The following CCDC180 variants were observed in gnomAD, a reference collection of about 807,000 sequenced individuals.
CCDC180 encodes the protein coiled-coil domain containing 180, also known as coiled-coil domain-containing protein 180.
Under a neutral mutation model 209.2 loss-of-function variants are expected in CCDC180, and 154 were observed. The ratio of observed to expected loss-of-function variants is 0.74; its 90% CI spans 0.65 to 0.84. The LOEUF (loss-of-function observed/expected upper bound fraction) is 0.84, where lower values mean the gene tolerates loss of function less well. CCDC180 is among the 40% of genes least tolerant of loss of function. The probability of loss-of-function intolerance (pLI) is 0.00; values close to 1 mark genes in which losing one functional copy is unlikely to be tolerated. For synonymous variants in CCDC180, 778 were observed against 749.1 expected, an observed-to-expected ratio of 1.04 and a Z score of -0.63; for missense variants, 1,874 against 1,997.3, an observed-to-expected ratio of 0.94 and a Z score of 1.18.
intron 21 of CCDC180, among the ~76,000 whole-genome samples, chr9:97,349,549 A>G (rs4743080): frequency 0.3 from 45,370 of 152,150 alleles, 7,436 homozygotes; most frequent in African/African-American, 0.42. Context: ...GCTATGAAAT[A>G]TCAGTGGTGG....
At position 97,325,136 on chromosome 9, in the gene CCDC180, C is replaced by A; in HGVS notation, c.1489C>A (p.Leu497Met). 6.2e-7 allele frequency: 1 copy of A among 1,612,212 alleles called. No homozygotes were observed. The highest frequency in any genetic ancestry group is 8.5e-7 in the Non-Finnish European group (1 of 1,179,260). The change falls in exon 14 of 37, where the codon CTG becomes ATG. Residue 497 changes from leucine to methionine, a missense_variant. Transcript: ENST00000529487. The part of the protein sequence containing the change: ...AHQSELLVQE[L>M]ELEKRMEQHR... ...CCAGAGCGAGCTGTTGGTGCAGGAG[C>A]TGGAGCTGGAGAAGAGGATGGAGCA...
At chr9:97,334,190 A>G (rs1450468907) in intron 18 of CCDC180, among the ~76,000 whole-genome samples, 4 of 152,150 alleles carry the variant, frequency 2.6e-5, no homozygotes, top group Non-Finnish European at 1.5e-5. Context: ...CTCCTATCCT[A>G]GAGATAAGGG....
At chr9:97,376,695 C>T (rs1827267859) in intron 36 of CCDC180, 68 bp from the exon 37 acceptor site, 3 of 1,532,820 alleles carry the variant, frequency 2.0e-6, no homozygotes, top group South Asian at 1.2e-5. Context: ...CAAGTTACAG[C>T]ATTGCCCTAG....
chr9:97,366,423 G>C lies in CCDC180; in HGVS notation c.4048-136G>C. The C allele has an allele frequency of 1.2e-6, 1 of 852,014 alleles. No individual in the cohort carries two copies. Among genetic ancestry groups the C allele is most frequent in the Non-Finnish European group, 1.8e-6 (1 of 556,608 alleles). The allele number at this position is 852,014 out of a possible 1,614,324, so 52.8% of individuals were successfully genotyped here. A position where few individuals can be genotyped will look rare whatever the true frequency, so the allele number is the denominator to read the frequency against. On this transcript the variant is annotated intron_variant, in intron 30 of 36. Coordinates refer to ENST00000529487, the MANE Select transcript of CCDC180 (RefSeq NM_020893.6). This position sits in a 1 kb window ranked among gnomAD's most constrained non-coding sequence, Gnocchi z 4.3. ...GGCAGACAGGGAAGGAGGAGTGTCTGCTCGTGTCACTTCCACAGGGGATGC... is the reference window on the plus strand; with the variant it reads ...GGCAGACAGGGAAGGAGGAGTGTCTCCTCGTGTCACTTCCACAGGGGATGC...
At chr9:97,360,943 A>T (rs1826735128) in intron 26 of CCDC180, among the ~76,000 whole-genome samples, 1 of 152,054 alleles carries the variant, frequency 6.6e-6, no homozygotes, top group Non-Finnish European at 1.5e-5. Context: ...TCTCACCACC[A>T]AGCCTTGACC....
chr9:97,339,297 C>T (rs1236128366), intron 18 of CCDC180, among the ~76,000 whole-genome samples: 4 of 152,112 alleles, frequency 2.6e-5, no homozygotes, highest in South Asian at 2.1e-4. Flanking sequence ...TGGCTGGTAC[C>T]GGTTGTTCCT....
chr9:97,366,644 A>C lies in CCDC180; in HGVS notation c.4133A>C (p.Lys1378Thr), dbSNP rs1826929567. The C allele has an allele frequency of 6.2e-7, 1 of 1,614,218 alleles. No individual in the cohort carries two copies. The highest frequency in any genetic ancestry group is 8.5e-7 in the Non-Finnish European group (1 of 1,180,034). ...TFDQCAENISKKILEYQSQAN... is the reference protein window; with the variant it reads ...TFDQCAENISTKILEYQSQAN... ...GACCAGTGCGCCGAGAACATTAGCAAAAAGATCCTGGAGTATCAGAGCCAG... is the reference window on the plus strand; with the variant it reads ...GACCAGTGCGCCGAGAACATTAGCACAAAGATCCTGGAGTATCAGAGCCAG... The change falls in exon 31 of 37, where the codon AAA becomes ACA. Residue 1378 changes from lysine (K) to threonine (T), a missense_variant. Transcript: ENST00000529487. This position sits in a 1 kb window ranked among gnomAD's most constrained non-coding sequence, Gnocchi z 4.3.
Position 97,314,906 on chromosome 9 carries a change from T to C in CCDC180, c.755T>C (p.Met252Thr), listed in dbSNP as rs768633319. The change falls in exon 8 of 37, where the codon ATG becomes ACG. Residue 252 changes from methionine to threonine, a missense_variant. Transcript: ENST00000529487. ...AEVIEKTSYL[M>T]RPEVYRLINE... ...GTCATAGAGAAAACTTCCTACCTCA[T>C]GCGGCCCGAAGTGTACAGGCTGATA... 5 of 1,614,154 alleles carry C rather than the reference T, an allele frequency of 3.1e-6. No individual in the cohort carries two copies. Among genetic ancestry groups the C allele is most frequent in the Admixed American group, 3.3e-5 (2 of 60,020 alleles).
In CCDC180 at chr9:97,378,194, A is replaced by G. The variant is rs1373625789; in HGVS notation, c.*1300A>G. ...AGCAACAGAATGAGACTCTGTCTCA[A>G]ATAAACGAATAAATAAATAATAAAA... On this transcript the variant is annotated 3_prime_UTR_variant, in exon 37 of 37. Transcript: ENST00000529487. 6.6e-6 allele frequency: 1 copy of G among 152,224 alleles called. No homozygotes were observed. The highest frequency in any genetic ancestry group is 1.5e-5 in the Non-Finnish European group (1 of 68,042). 9.4% of individuals were successfully genotyped at this position (152,224 alleles called of 1,614,324 possible).
intron 20 of CCDC180, chr9:97,347,698 T>A (rs1826305203): frequency 1.8e-6 from 1 of 542,678 alleles, no homozygotes; most frequent in Non-Finnish European, 3.2e-6. Flanking sequence ...TGAGATTTTT[T>A]TCTCATTTCC....
In CCDC180 at chr9:97,336,572, A is replaced by G. The variant is rs540680848; in HGVS notation, c.2274+5805A>G. Among the ~76,000 whole-genome samples the G allele has an allele frequency of 5.3e-5, 8 of 152,264 alleles. No homozygotes were observed. In the South Asian group the frequency reaches 1.4e-3, roughly 28 times the overall value. Reference sequence around the variant, plus strand: ...GCTGTTTTGATTACTGTAGCCTTGTAGTATAGTTTGAAGTCAGGTAGCGTG... The same window carrying G: ...GCTGTTTTGATTACTGTAGCCTTGTGGTATAGTTTGAAGTCAGGTAGCGTG... On this transcript the variant is annotated intron_variant, in intron 18 of 36. Transcript: ENST00000529487.
intron 3 of CCDC180, among the ~76,000 whole-genome samples, chr9:97,310,792 A>G (rs1587776474): frequency 1.3e-5 from 2 of 152,136 alleles, no homozygotes; most frequent in African/African-American, 4.8e-5. Context: ...TCATGCTCTG[A>G]ACTCCCAACA....
intron 29 of CCDC180, chr9:97,364,610 C>T (rs28508080): frequency 0.036 from 5,902 of 162,496 alleles, 348 homozygotes; most frequent in African/African-American, 0.13. Flanking sequence ...CCCCAGACAG[C>T]GGCCCCCTCT....
chr9:97,325,192 G>A lies in CCDC180; in HGVS notation c.1545G>A (p.Gln515=). 6.3e-7 allele frequency: 1 copy of A among 1,590,162 alleles called. No individual in the cohort carries two copies. Residue 515 remains glutamine (Q), a splice_region_variant and synonymous_variant, in exon 14 of 37, where the codon CAG becomes CAA. Transcript: ENST00000529487. The part of the protein sequence containing the change: ...QHRQKHSLES[Q]VQEAHLDRLL... ...GGCAGAAGCACAGCCTGGAGAGCCA[G>A]GTGAGACCCACACCCGGGGCTCCAT...
At position 97,361,798 on chromosome 9, in the gene CCDC180, A is replaced by G. The variant is rs1826760498; in HGVS notation, c.3556A>G (p.Lys1186Glu). The change falls in exon 27 of 37, where the codon AAG becomes GAG. Residue 1186 changes from lysine (K) to glutamate (E), a missense_variant. Coordinates refer to ENST00000529487, the MANE Select transcript of CCDC180 (RefSeq NM_020893.6). ...TTCAGAAGCCCTTGAAGAGGAGGCC[A>G]AGCTGGACGTGGTCACCCCTGAGTC... ...TSSEALEEEA[K>E]LDVVTPESFT... 1 of 1,614,072 alleles carries G rather than the reference A, an allele frequency of 6.2e-7. No homozygotes were observed. Among genetic ancestry groups the G allele is most frequent in the South Asian group, 1.1e-5 (1 of 91,094 alleles).
chr9:97,328,981 A>G (rs1184989377), intron 16 of CCDC180, among the ~76,000 whole-genome samples: 5 of 152,190 alleles, frequency 3.3e-5, no homozygotes, highest in Admixed American at 2.0e-4. Context: ...TGAATCCCCC[A>G]GAGTTTGGCT....
intron 4 of CCDC180, among the ~76,000 whole-genome samples, 166 bp from the exon 5 acceptor site, chr9:97,313,070 T>G (rs76671819): frequency 0.011 from 1,719 of 152,240 alleles, 32 homozygotes; most frequent in African/African-American, 0.039. Context: ...CTAGCACTCA[T>G]GAATCACTGT....
At chr9:97,368,495 C>T (rs1826987689) in intron 31 of CCDC180, among the ~76,000 whole-genome samples, 1 of 152,164 alleles carries the variant, frequency 6.6e-6, no homozygotes, top group Non-Finnish European at 1.5e-5. Flanking sequence ...CTCTGTCCCT[C>T]CATAAGACAG....
chr9:97,375,844 G>A, intron 36 of CCDC180: 3 of 502,368 alleles, frequency 6.0e-6, no homozygotes, highest in Non-Finnish European at 1.1e-5. Flanking sequence ...CCAGATTAGG[G>A]GTGAAGGCTT....
Sources: gnomAD v4.1 joint callset for allele counts (sites outside exome capture counted in the v4.1 genomes callset) on GRCh38, gnomAD v4.1.1 for gene constraint, Gnocchi (gnomAD v3.1) non-coding constraint, MANE v1.5 for transcripts, NCBI Gene and HGNC (gene_info 2026-07-23, HGNC 2026-07-21) for gene names.